KAZN: variants seen among roughly 807,000 people sequenced by gnomAD.
KAZN encodes the protein kazrin, periplakin interacting protein.
In KAZN, 40 loss-of-function variants were observed where a neutral mutation model predicts 87.4. The ratio of observed to expected loss-of-function variants is 0.46; its 90% confidence interval spans 0.36 to 0.60. The LOEUF is 0.60. Among genes scored for constraint, KAZN ranks in the 20% least tolerant of loss-of-function variants. The pLI is 0.00. For synonymous variants in KAZN, 466 were observed against 458.3 expected (o/e 1.02, Z -0.22); for missense variants, 898 against 1,073.9 (o/e 0.84, Z 2.29).
chr1:13,981,750 A>C (rs897715782), intron 1 of KAZN, among the ~76,000 whole-genome samples: 2 of 152,306 alleles, frequency 1.3e-5, no homozygotes, highest in South Asian at 4.1e-4. Context: ...AGGGAAGCTA[A>C]GAGTTCTCTT....
intron 2 of KAZN, among the ~76,000 whole-genome samples, chr1:14,576,149 A>C (rs1675164912): frequency 6.6e-6 from 1 of 152,200 alleles, no homozygotes; most frequent in Admixed American, 6.5e-5. Context: ...TTAACCTCTC[A>C]AGCCTTAGTT....
chr1:14,385,939 T>G (rs1005239981), intron 2 of KAZN, among the ~76,000 whole-genome samples: 14 of 150,390 alleles, frequency 9.3e-5, no homozygotes, highest in African/African-American at 3.4e-4. Flanking sequence ...TATTAATGTG[T>G]GGGAGTCTAA....
intron 1 of KAZN, among the ~76,000 whole-genome samples, chr1:13,963,718 CCTT>C (rs1291972087): frequency 6.6e-6 from 1 of 151,806 alleles, no homozygotes; most frequent in Non-Finnish European, 1.5e-5. Context: ...ACCTTCATCT[CCTT>C]CTGTGTTCTT....
intron 1 of KAZN, among the ~76,000 whole-genome samples, chr1:14,146,536 C>CAAAAAAAAAAAAA (rs55928646): frequency 4.9e-4 from 31 of 63,488 alleles, no homozygotes; most frequent in South Asian, 1.2e-3. Flanking sequence ...AACTCCATCT[C>CAAAAAAAAAAAAA]AAAAAAAAAA....
At chr1:14,250,553 ATAT>A (rs2100610429) in intron 2 of KAZN, among the ~76,000 whole-genome samples, 1 of 152,046 alleles carries the variant, frequency 6.6e-6, no homozygotes, top group African/African-American at 2.4e-5. Flanking sequence ...CACAGAAACA[ATAT>A]TATGAGAGTT....
intron 8 of KAZN, among the ~76,000 whole-genome samples, chr1:15,083,971 G>T (rs1434383611): frequency 2.0e-5 from 3 of 152,186 alleles, no homozygotes; most frequent in African/African-American, 7.2e-5. Context: ...GAAACATCGG[G>T]GGACCCCTCT....
intron 6 of KAZN, chr1:15,062,236 TG>T (rs1638858248): frequency 6.6e-6 from 1 of 152,496 alleles, no homozygotes; most frequent in African/African-American, 2.4e-5. Context: ...ATGGGTGCTT[TG>T]ATAAGCCAGT....
At chr1:14,069,179 A>G (rs1643141271) in intron 1 of KAZN, among the ~76,000 whole-genome samples, 2 of 152,214 alleles carry the variant, frequency 1.3e-5, no homozygotes, top group African/African-American at 4.8e-5. Flanking sequence ...ATATGGGTAA[A>G]GAGAGCAGGA....
intron 1 of KAZN, among the ~76,000 whole-genome samples, chr1:14,654,201 C>T (rs566477189): frequency 1.3e-5 from 2 of 150,804 alleles, no homozygotes; most frequent in African/African-American, 4.9e-5. Flanking sequence ...GCAGAAAAAT[C>T]GCTTGAATCC....
At position 14,249,263 on chromosome 1, in the gene KAZN, A is replaced by G. The variant is rs184713398; in HGVS notation, c.249+68671A>G. Reference sequence around the variant, plus strand: ...GGGAATGGGTCTGTTTCAGCTCTAAAAGTTGATTATTCGGTAAAACTCCAA... The same window carrying G: ...GGGAATGGGTCTGTTTCAGCTCTAAGAGTTGATTATTCGGTAAAACTCCAA... On this transcript the variant is annotated intron_variant, in intron 2 of 16. Transcript: ENST00000636203. Among the ~76,000 whole-genome samples, 222 of 152,312 alleles carry G rather than the reference A, an allele frequency of 1.5e-3. 1 individual carries two copies. Among genetic ancestry groups the G allele is most frequent in the African/African-American group, 5.1e-3 (214 of 41,572 alleles).
chr1:13,979,214 C>A (rs576896898), intron 1 of KAZN, among the ~76,000 whole-genome samples: 1 of 152,066 alleles, frequency 6.6e-6, no homozygotes, highest in Non-Finnish European at 1.5e-5. Context: ...AACCCGTCCC[C>A]CAAAGCTAAA....
chr1:15,058,031 C>T (rs1040736910), intron 5 of KAZN, among the ~76,000 whole-genome samples: 1 of 152,248 alleles, frequency 6.6e-6, no homozygotes, highest in Admixed American at 6.5e-5. Context: ...GACACCCCCT[C>T]CTCCAGGAAG....
intron 1 of KAZN, among the ~76,000 whole-genome samples, chr1:14,905,772 A>AG (rs562468431): frequency 0.011 from 1,655 of 150,998 alleles, 30 homozygotes; most frequent in African/African-American, 0.037. Flanking sequence ...TGAACATGGG[A>AG]GGGGAGCTTG....
upstream of KAZN, among the ~76,000 whole-genome samples, chr1:14,596,717 T>G (rs1047719392): frequency 1.3e-5 from 2 of 152,228 alleles, no homozygotes; most frequent in Non-Finnish European, 2.9e-5. Flanking sequence ...ACCTTCTATG[T>G]CGGGCTTCTT....
chr1:14,338,377 C>T lies in KAZN; in HGVS notation c.249+157785C>T, dbSNP rs144946672. On this transcript the variant is annotated intron_variant, in intron 2 of 16. Transcript: ENST00000636203. ...GTGTGCACCTGTAGTCCCAGCTACT[C>T]GGGACACTGAGGCAGGAGAATCGCT... 7.3e-3 allele frequency among the ~76,000 whole-genome samples: 1,108 copies of T among 151,022 alleles called. 14 individuals carry two copies. Among genetic ancestry groups the T allele is most frequent in the African/African-American group, 0.026 (1,056 of 41,104 alleles).
At chr1:13,895,551 CAA>C (rs1415795593) in intron 1 of KAZN, among the ~76,000 whole-genome samples, 2 of 152,004 alleles carry the variant, frequency 1.3e-5, no homozygotes, top group Non-Finnish European at 2.9e-5. Flanking sequence ...TGAAGAAACG[CAA>C]AGAGGAATCA....
chr1:15,113,667 CT>C (rs755641645), intron 14 of KAZN: 2,686 of 121,458 alleles, frequency 0.022, 38 homozygotes, highest in African/African-American at 0.052. Context: ...TGGGACTTGA[CT>C]TTTTTTTTTT....
intron 2 of KAZN, among the ~76,000 whole-genome samples, chr1:14,437,901 T>A (rs1458802972): frequency 6.6e-6 from 1 of 152,118 alleles, no homozygotes. Context: ...GGAGCTGCCA[T>A]CATCCCATCC....
intron 1 of KAZN, among the ~76,000 whole-genome samples, chr1:14,033,374 C>T (rs1166188935): frequency 2.6e-5 from 4 of 152,138 alleles, no homozygotes; most frequent in Non-Finnish European, 5.9e-5. Context: ...CGAGGAGGCT[C>T]TGAATGCCAC....
Sources: allele counts gnomAD v4.1 joint callset (sites outside exome capture counted in the v4.1 genomes callset), GRCh38; gene constraint gnomAD v4.1.1; transcripts MANE v1.5; gene names NCBI Gene and HGNC (gene_info 2026-07-23, HGNC 2026-07-21).